The following COL5A2 variants were observed in gnomAD, a reference collection of about 807,000 sequenced individuals.
COL5A2 encodes the protein collagen type V alpha 2 chain.
In COL5A2, 23 loss-of-function variants were observed where a neutral mutation model predicts 208.2. The ratio of observed to expected loss-of-function variants is 0.11; its 90% CI spans 0.08 to 0.16. The LOEUF (loss-of-function observed/expected upper bound fraction) is 0.16. COL5A2 is among the 10% of genes least tolerant of loss of function. The pLI, the probability that COL5A2 is intolerant of heterozygous loss-of-function variation, is 1.00. For synonymous variants in COL5A2, 625 were observed against 628.5 expected, an observed-to-expected ratio of 0.99 and a Z score of 0.08; for missense variants, 1,590 against 1,956.4, an observed-to-expected ratio of 0.81 and a Z score of 3.53.
chr2:189,236,899 T>C, the COL5A2 span, among the ~76,000 whole-genome samples: 2 of 152,036 alleles, frequency 1.3e-5, no homozygotes, highest in East Asian at 3.9e-4. Flanking sequence ...TTTTTCTTTA[T>C]AGTTAGCAAT....
At chr2:189,158,229 C>A (rs1688293517) in intron 1 of COL5A2, among the ~76,000 whole-genome samples, 1 of 151,776 alleles carries the variant, frequency 6.6e-6, no homozygotes, top group South Asian at 2.1e-4. Flanking sequence ...GGTTAAAAAC[C>A]AATATTATTA....
intron 29 of COL5A2, 49 bp downstream of exon 29, chr2:189,062,816 A>ATG (rs1686062348): frequency 1.2e-6 from 2 of 1,604,854 alleles, no homozygotes; most frequent in Admixed American, 1.7e-5. Flanking sequence ...AAAAAATGCA[A>ATG]TGTGTGTATA....
At chr2:189,173,342 T>G (rs1319969109) in intron 1 of COL5A2, among the ~76,000 whole-genome samples, 7 of 152,140 alleles carry the variant, frequency 4.6e-5, no homozygotes, top group Non-Finnish European at 8.8e-5. Flanking sequence ...CCCTTATACA[T>G]TGTTTCTTAG....
the COL5A2 span, among the ~76,000 whole-genome samples, chr2:189,428,449 C>A: frequency 1.3e-5 from 2 of 151,896 alleles, no homozygotes; most frequent in Non-Finnish European, 2.9e-5. Flanking sequence ...GAAATCCCAT[C>A]TCTACTAAAA....
At chr2:189,068,936 T>C (rs1686212399) in intron 18 of COL5A2, 52 bp from the exon 19 acceptor site, 3 of 1,216,194 alleles carry the variant, frequency 2.5e-6, no homozygotes, top group Non-Finnish European at 3.6e-6. Flanking sequence ...GAGAGTGGCA[T>C]TGTACAAAGT....
intron 1 of COL5A2, among the ~76,000 whole-genome samples, chr2:189,170,204 G>C (rs948164326): frequency 1.3e-5 from 2 of 152,030 alleles, no homozygotes; most frequent in African/African-American, 2.4e-5. Flanking sequence ...AAAATTGCCC[G>C]AGAATATGGA....
intron 1 of COL5A2, among the ~76,000 whole-genome samples, chr2:189,157,257 T>C (rs893588034): frequency 9.2e-5 from 14 of 151,708 alleles, no homozygotes; most frequent in African/African-American, 3.1e-4. Flanking sequence ...AAATGAAAGT[T>C]GTATAAATTT....
intron 1 of COL5A2, among the ~76,000 whole-genome samples, chr2:189,118,280 A>C (rs1169037606): frequency 6.6e-6 from 1 of 152,012 alleles, no homozygotes; most frequent in Non-Finnish European, 1.5e-5. Flanking sequence ...ATTGAAAATA[A>C]TTATTATTGT....
At chr2:189,212,233 T>C (rs1291975020) in intron 1 of COL5A2, among the ~76,000 whole-genome samples, 2 of 152,302 alleles carry the variant, frequency 1.3e-5, no homozygotes, top group East Asian at 1.9e-4. Flanking sequence ...GCCACCTCTA[T>C]ACCTTGAGAT....
rs1688546448 is a variant in COL5A2 at position 189,170,222 on chromosome 2, T to C, written c.97+9286A>G. Among the ~76,000 whole-genome samples, 3 of 152,172 alleles carry C rather than the reference T, an allele frequency of 2.0e-5. No homozygotes were observed. The South Asian group carries it at 6.2e-4, about 32-fold the overall frequency. ...ATTGCCCGAGAATATGGAAATACAA[T>C]TTCCAAAACCTAAATTTGAATTCGG... On this transcript the variant is annotated intron_variant, in intron 1 of 53. Coordinates refer to ENST00000374866, the MANE Select transcript of COL5A2 (RefSeq NM_000393.5).
At chr2:189,351,736 G>T in the COL5A2 span, among the ~76,000 whole-genome samples, 1 of 152,052 alleles carries the variant, frequency 6.6e-6, no homozygotes, top group African/African-American at 2.4e-5. Flanking sequence ...TTAATGAAAA[G>T]GGGGCAGGAC....
At chr2:189,343,743 C>G in the COL5A2 span, among the ~76,000 whole-genome samples, 6 of 152,076 alleles carry the variant, frequency 3.9e-5, no homozygotes, top group Admixed American at 3.9e-4. Context: ...TTGCTAATAA[C>G]TCAGAAGATT....
Position 189,061,585 on chromosome 2 carries a change from G to T in COL5A2, c.2008C>A (p.Pro670Thr), listed in dbSNP as rs904166744. ...GLAGERGEQG[P>T]PGPTGFQGLP... Reference sequence around the variant, plus strand: ...ACCTGAAAACCTGTGGGGCCTGGAGGTCCTTGTTCTCCTCTTTCACCAGCT... The same window carrying T: ...ACCTGAAAACCTGTGGGGCCTGGAGTTCCTTGTTCTCCTCTTTCACCAGCT... The change falls in exon 30 of 54, where the codon CCT becomes ACT. Residue 670 changes from proline (P) to threonine (T), a missense_variant. Physicochemically the swap from Pro to Thr is conservative, Grantham distance 38. Coordinates refer to ENST00000374866, the MANE Select transcript of COL5A2 (RefSeq NM_000393.5). The T allele has an allele frequency of 1.2e-5, 20 of 1,613,062 alleles. No individual in the cohort carries two copies. Among genetic ancestry groups the T allele is most frequent in the Middle Eastern group, 3.3e-4 (2 of 6,080 alleles).
At chr2:189,064,109 G>C (rs1576502896) in intron 25 of COL5A2, 76 bp from the exon 26 acceptor site, 1 of 879,182 alleles carries the variant, frequency 1.1e-6, no homozygotes. Flanking sequence ...TAAAAATAGT[G>C]TTGCATTTTT....
the COL5A2 span, among the ~76,000 whole-genome samples, chr2:189,320,212 G>C: frequency 6.6e-6 from 1 of 152,138 alleles, no homozygotes; most frequent in African/African-American, 2.4e-5. Flanking sequence ...CACAAAGATG[G>C]GGATAAAACA....
chr2:189,403,880 G>A, the COL5A2 span, among the ~76,000 whole-genome samples: 2 of 152,024 alleles, frequency 1.3e-5, no homozygotes, highest in African/African-American at 4.8e-5. Context: ...TTACAGGCAC[G>A]TGCCACCATG....
chr2:189,292,583 T>G, the COL5A2 span, among the ~76,000 whole-genome samples: 1 of 152,086 alleles, frequency 6.6e-6, no homozygotes, highest in African/African-American at 2.4e-5. Flanking sequence ...AGAATGGCAA[T>G]CATTAAAAAG....
At chr2:189,334,187 T>C in the COL5A2 span, among the ~76,000 whole-genome samples, 2 of 152,052 alleles carry the variant, frequency 1.3e-5, no homozygotes, top group Admixed American at 6.5e-5. Flanking sequence ...CTGAAGGCTG[T>C]CACCCTAAAA....
chr2:189,436,494 T>C, the COL5A2 span, among the ~76,000 whole-genome samples: 7 of 152,076 alleles, frequency 4.6e-5, no homozygotes, highest in Non-Finnish European at 7.4e-5. Context: ...TTGCACATTG[T>C]GCACATGTAC....
Sources: allele counts gnomAD v4.1 joint callset (sites outside exome capture counted in the v4.1 genomes callset), GRCh38; gene constraint gnomAD v4.1.1; transcripts MANE v1.5; gene names NCBI Gene and HGNC (gene_info 2026-07-23, HGNC 2026-07-21).